Variants in ARHGEF10 observed in about 807,000 individuals in gnomAD.
The protein encoded by ARHGEF10 is Rho guanine nucleotide exchange factor 10.
Under a neutral mutation model 147.4 loss-of-function variants are expected in ARHGEF10, and 140 were observed. The ratio of observed to expected loss-of-function variants is 0.95; its 90% CI spans 0.83 to 1.09. The LOEUF is 1.09. ARHGEF10 is among the 50% of genes least tolerant of loss of function. The pLI, the probability that ARHGEF10 is intolerant of heterozygous loss-of-function variation, is 0.00. For synonymous variants in ARHGEF10, 902 were observed against 695.8 expected (o/e 1.30, Z -4.67); for missense variants, 2,222 against 1,752.7 (o/e 1.27, Z -4.78).
chr8:1,949,550 A>G (rs984912253), intron 27 of ARHGEF10, among the ~76,000 whole-genome samples: 1 of 152,174 alleles, frequency 6.6e-6, no homozygotes, highest in Non-Finnish European at 1.5e-5. Context: ...AAAGGAGGAT[A>G]TTTTTGATGG....
At chr8:1,902,663 G>A (rs553714510) in intron 15 of ARHGEF10, among the ~76,000 whole-genome samples, 2 of 151,614 alleles carry the variant, frequency 1.3e-5, no homozygotes, top group African/African-American at 4.8e-5. Flanking sequence ...GCGTGGCCAC[G>A]CAGCCACTGC....
chr8:1,836,886 G>A (rs1197420262), intron 1 of ARHGEF10, among the ~76,000 whole-genome samples: 3 of 152,112 alleles, frequency 2.0e-5, no homozygotes, highest in East Asian at 1.9e-4. Context: ...GGTTTATCAG[G>A]GGTTTCCACT....
intron 3 of ARHGEF10, 120 bp from the exon 4 acceptor site, chr8:1,859,777 G>C: frequency 7.9e-7 from 1 of 1,261,296 alleles, no homozygotes; most frequent in Non-Finnish European, 1.1e-6. Flanking sequence ...GGAACGTCTA[G>C]GGGTCCTGGC....
chr8:1,890,689 C>T (rs368100138), intron 11 of ARHGEF10, among the ~76,000 whole-genome samples: 3 of 133,264 alleles, frequency 2.3e-5, no homozygotes, highest in Non-Finnish European at 3.2e-5. Context: ...TGAGGAGACA[C>T]TGAGTGGGTC....
At chr8:1,909,537 T>G (rs1200746561) in intron 18 of ARHGEF10, 67 bp downstream of exon 18, 1 of 1,591,514 alleles carries the variant, frequency 6.3e-7, no homozygotes, top group Non-Finnish European at 8.6e-7. Flanking sequence ...ATGCTAGCTG[T>G]GGGGCCAGCG....
At chr8:1,877,439 G>A (rs1807803182) in intron 8 of ARHGEF10, among the ~76,000 whole-genome samples, 1 of 152,198 alleles carries the variant, frequency 6.6e-6, no homozygotes, top group Admixed American at 6.5e-5. Flanking sequence ...TGTTGGCCAG[G>A]CTAGTCTCGA....
At chr8:1,826,339 T>A (rs1194707237) in intron 1 of ARHGEF10, among the ~76,000 whole-genome samples, 2 of 152,006 alleles carry the variant, frequency 1.3e-5, no homozygotes, top group Non-Finnish European at 2.9e-5. Context: ...TACGTGTGCG[T>A]GTGTCTTTGT....
At chr8:1,907,315 G>A (rs1290644975) in intron 17 of ARHGEF10, among the ~76,000 whole-genome samples, 3 of 152,106 alleles carry the variant, frequency 2.0e-5, no homozygotes, top group African/African-American at 7.2e-5. Context: ...CAGTGAAGTG[G>A]CCCCACTGTG....
In ARHGEF10 at chr8:1,956,918, A is replaced by T. The variant is rs1412280190; in HGVS notation, c.3690A>T (p.Ser1230=). ...CACTTCCGAGTGGAGGAGCTGGTTCATCTCTGAGCCAGGGTGACCCTGACG... is the reference window on the plus strand; with the variant it reads ...CACTTCCGAGTGGAGGAGCTGGTTCTTCTCTGAGCCAGGGTGACCCTGACG... ...KDALPSGGAG[S]SLSQGDPDAA... Residue 1230 remains serine, a synonymous_variant, in exon 29 of 29, where the codon TCA becomes TCT. Coordinates refer to ENST00000349830, the MANE Select transcript of ARHGEF10 (RefSeq NM_014629.4). The T allele has an allele frequency of 3.1e-6, 5 of 1,614,036 alleles. No homozygotes were observed. In the African/African-American group the frequency reaches 4.0e-5, roughly 13 times the overall value.
intron 1 of ARHGEF10, among the ~76,000 whole-genome samples, chr8:1,836,041 C>T (rs1310054976): frequency 6.6e-6 from 1 of 151,694 alleles, no homozygotes; most frequent in Non-Finnish European, 1.5e-5. Context: ...ATTAGCCAGG[C>T]GTGGTGGCAG....
intron 18 of ARHGEF10, among the ~76,000 whole-genome samples, chr8:1,915,489 T>G (rs1309378982): frequency 1.3e-5 from 2 of 152,234 alleles, no homozygotes; most frequent in African/African-American, 2.4e-5. Context: ...AGGCCCAGCC[T>G]CTGTCTGGGG....
intron 17 of ARHGEF10, among the ~76,000 whole-genome samples, chr8:1,906,523 C>A (rs1372916988): frequency 6.6e-6 from 1 of 152,150 alleles, no homozygotes; most frequent in Non-Finnish European, 1.5e-5. Context: ...CCCTATTTTT[C>A]ATGCCCGTCG....
At chr8:1,911,994 C>A (rs1487689239) in intron 18 of ARHGEF10, among the ~76,000 whole-genome samples, 1 of 152,222 alleles carries the variant, frequency 6.6e-6, no homozygotes, top group Non-Finnish European at 1.5e-5. Context: ...CATAGGACTT[C>A]TGCTGCTTGA....
At chr8:1,888,216 G>A (rs1485647712) in intron 11 of ARHGEF10, among the ~76,000 whole-genome samples, 9 of 65,386 alleles carry the variant, frequency 1.4e-4, no homozygotes, top group African/African-American at 6.1e-4. Flanking sequence ...AGTGGGGCGA[G>A]GGTTGCGAGG....
chr8:1,834,669 G>A (rs1439673910), intron 1 of ARHGEF10, among the ~76,000 whole-genome samples: 6 of 152,230 alleles, frequency 3.9e-5, no homozygotes, highest in Non-Finnish European at 5.9e-5. Context: ...AAGGACTGGC[G>A]TGTTTGGCTT....
chr8:1,938,479 C>G (rs1033184276), intron 26 of ARHGEF10, among the ~76,000 whole-genome samples: 2 of 152,204 alleles, frequency 1.3e-5, no homozygotes, highest in African/African-American at 4.8e-5. Flanking sequence ...AAAAAGGTTT[C>G]TGGCCCTCAT....
intron 7 of ARHGEF10, chr8:1,870,398 A>G (rs530543871): frequency 5.3e-4 from 80 of 152,340 alleles, no homozygotes; most frequent in African/African-American, 1.9e-3. Flanking sequence ...TTTGCAAATC[A>G]TATGAGAAAA....
intron 9 of ARHGEF10, among the ~76,000 whole-genome samples, chr8:1,880,750 A>C (rs1004093066): frequency 1.3e-5 from 2 of 152,176 alleles, no homozygotes; most frequent in African/African-American, 2.4e-5. Flanking sequence ...TTAAAAGGGC[A>C]CTGTCAAGTA....
intron 15 of ARHGEF10, among the ~76,000 whole-genome samples, chr8:1,899,753 A>G (rs1255188052): frequency 5.3e-5 from 8 of 152,178 alleles, no homozygotes; most frequent in African/African-American, 1.9e-4. Flanking sequence ...TTTAGCTGAC[A>G]AATATGTACT....
Sources: allele counts gnomAD v4.1 joint callset (sites outside exome capture counted in the v4.1 genomes callset), GRCh38; gene constraint gnomAD v4.1.1; transcripts MANE v1.5; gene names NCBI Gene and HGNC (gene_info 2026-07-23, HGNC 2026-07-21).